The following PXN variants were observed in gnomAD, a reference collection of about 807,000 sequenced individuals.
PXN encodes the protein paxillin.
A neutral mutation model predicts 103.6 loss-of-function variants in PXN; 61 were observed. That is an observed-to-expected ratio of 0.59 (90% CI 0.48 to 0.73). The LOEUF (loss-of-function observed/expected upper bound fraction) is 0.73, where lower values mean the gene tolerates loss of function less well. Ranked by LOEUF, PXN falls within the 30% of genes least tolerant of loss-of-function variation. PXN has a pLI of 0.00. For missense variants in PXN, 1,274 were observed against 1,460.3 expected, an observed-to-expected ratio of 0.87 and a Z score of 2.08; for synonymous variants, 562 against 607.8, an observed-to-expected ratio of 0.92 and a Z score of 1.11.
chr12:120,251,204 C>CA (rs1170387595), intron 1 of PXN, among the ~76,000 whole-genome samples: 1 of 148,048 alleles, frequency 6.8e-6, no homozygotes, highest in African/African-American at 2.5e-5. Flanking sequence ...GACTCTGTCT[C>CA]AAAAAAAATC....
chr12:120,223,642 GCTGC>G, intron 3 of PXN, 72 bp downstream of exon 3: 1 of 1,196,466 alleles, frequency 8.4e-7, no homozygotes, highest in South Asian at 1.4e-5. Context: ...CCGGGCCTCC[GCTGC>G]CTCCCACCCT....
At chr12:120,260,298 T>A (rs1222112390) in intron 1 of PXN, among the ~76,000 whole-genome samples, 1 of 151,894 alleles carries the variant, frequency 6.6e-6, no homozygotes, top group Non-Finnish European at 1.5e-5. Context: ...TCACCTGAAG[T>A]CGGGAGTTCG....
Position 120,219,310 on chromosome 12 carries a change from G to T in PXN, c.1613C>A (p.Thr538Asn). 1.3e-6 allele frequency: 2 copies of T among 1,598,444 alleles called. No homozygotes were observed. The highest frequency in any genetic ancestry group is 1.7e-6 in the Non-Finnish European group (2 of 1,179,808). Residue 538 changes from threonine (T) to asparagine (N), a missense_variant, in exon 7 of 15, where the codon ACC becomes AAC. Physicochemically the swap from Thr to Asn is moderately conservative, Grantham distance 65 (BLOSUM62 0). This residue lies in a region of PXN where 1,178 missense variants were observed against 1,309.0 expected (regional missense o/e 0.90). Transcript: ENST00000637617. The surrounding 1 kb of genome is among the most constrained non-coding windows in gnomAD (Gnocchi z 6.5). ...GPETPRSPEG[T>N]TEAATQDGKE... ...CCCGTCCTGGGTGGCAGCTTCCGTG[G>T]TGCCCTCTGGGCTCCTTGGGGTTTC...
At chr12:120,227,493 C>G (rs1015093283) in intron 1 of PXN, among the ~76,000 whole-genome samples, 1 of 152,188 alleles carries the variant, frequency 6.6e-6, no homozygotes, top group African/African-American at 2.4e-5. Flanking sequence ...AGAGCAAGAC[C>G]CTGTCTTAAA....
chr12:120,260,505 A>AAG (rs909638411), intron 1 of PXN, among the ~76,000 whole-genome samples: 2 of 151,306 alleles, frequency 1.3e-5, no homozygotes, highest in African/African-American at 4.9e-5. Flanking sequence ...CTCAGGAAAA[A>AAG]AAAAAAAAAG....
At chr12:120,232,575 C>A (rs1011028319) in intron 1 of PXN, among the ~76,000 whole-genome samples, 1 of 152,220 alleles carries the variant, frequency 6.6e-6, no homozygotes, top group Non-Finnish European at 1.5e-5. Context: ...CCAGGAGACT[C>A]ATGGGCTGGA....
At chr12:120,259,490 A>T (rs1893531950) in intron 1 of PXN, among the ~76,000 whole-genome samples, 1 of 152,352 alleles carries the variant, frequency 6.6e-6, no homozygotes, top group African/African-American at 2.4e-5. Context: ...ATATTCTCCC[A>T]TAAAACCACA....
At chr12:120,240,074 A>G (rs1275283996) in intron 1 of PXN, among the ~76,000 whole-genome samples, 2 of 152,048 alleles carry the variant, frequency 1.3e-5, no homozygotes, top group African/African-American at 2.4e-5. Flanking sequence ...CTAGCATGAC[A>G]CCTCTTTGAG....
At chr12:120,237,753 T>C (rs1224883174) in intron 1 of PXN, among the ~76,000 whole-genome samples, 1 of 152,186 alleles carries the variant, frequency 6.6e-6, no homozygotes, top group African/African-American at 2.4e-5. Flanking sequence ...CATCTGCTGA[T>C]TTCAGGGCTC....
rs1286792086 is a variant in PXN, at chr12:120,252,722, T to C, written c.13+12895A>G. The stretch of plus-strand genomic sequence containing the variant: ...AATGTAGGCAACAGAGAGGGTCAAA[T>C]ACAAGGCTGGAGCTATTGAGGTTAA... On this transcript the variant is annotated intron_variant, in intron 1 of 14. Coordinates refer to ENST00000637617, the MANE Select transcript of PXN (RefSeq NM_001385981.1). 2.6e-5 allele frequency among the ~76,000 whole-genome samples: 4 copies of C among 152,258 alleles called. No homozygotes were observed. In the East Asian group the frequency reaches 5.8e-4, roughly 22 times the overall value.
At chr12:120,262,222 A>G (rs1893989532) in intron 1 of PXN, among the ~76,000 whole-genome samples, 1 of 152,154 alleles carries the variant, frequency 6.6e-6, no homozygotes, top group African/African-American at 2.4e-5. Flanking sequence ...GACTGCTGAG[A>G]AGCTGAAAGA....
In PXN at chr12:120,215,940, G is replaced by A. The variant is rs1246062168; in HGVS notation, c.2302-279C>T. ...GTGATGAGGCCTCACCGGGCGCTGG[G>A]CCTGGGGGCTGGAAGGGAGGAGACA... is the stretch of plus-strand genomic sequence containing the variant. On this transcript the variant is annotated intron_variant, in intron 9 of 14. Coordinates refer to ENST00000637617, the MANE Select transcript of PXN (RefSeq NM_001385981.1). This position sits in a 1 kb window ranked among gnomAD's most constrained non-coding sequence, Gnocchi z 4.9. The A allele has an allele frequency of 3.6e-6, 5 of 1,388,052 alleles. No homozygotes were observed. The highest frequency in any genetic ancestry group is 1.5e-5 in the African/African-American group (1 of 67,758). The allele number at this position is 1,388,052 out of a possible 1,614,324, so 86.0% of individuals were successfully genotyped here.
At position 120,265,556 on chromosome 12, in the gene PXN, C is replaced by T; in HGVS notation, c.13+61G>A. The T allele has an allele frequency of 6.8e-7, 1 of 1,466,716 alleles. No homozygotes were observed. The highest frequency in any genetic ancestry group is 9.0e-7 in the Non-Finnish European group (1 of 1,114,784). 90.9% of individuals were successfully genotyped at this position (1,466,716 alleles called of 1,614,324 possible). A position where few individuals can be genotyped will look rare whatever the true frequency, so the allele number is the denominator to read the frequency against. Reference sequence around the variant, plus strand: ...CGCGGCCCCTGCCGCTCGCTGGCGCCCTCCTGGCCCCAAGCTGCGCGCCTC... The same window carrying T: ...CGCGGCCCCTGCCGCTCGCTGGCGCTCTCCTGGCCCCAAGCTGCGCGCCTC... On this transcript the variant is annotated intron_variant, in intron 1 of 14. Coordinates refer to ENST00000637617, the MANE Select transcript of PXN (RefSeq NM_001385981.1). This position sits in a 1 kb window ranked among gnomAD's most constrained non-coding sequence, Gnocchi z 5.7.
rs369461321 is a variant in PXN, at chr12:120,265,639, A to G, written c.-10T>C. On this transcript the variant is annotated 5_prime_UTR_variant, in exon 1 of 15. Coordinates refer to ENST00000637617, the MANE Select transcript of PXN (RefSeq NM_001385981.1). This position sits in a 1 kb window ranked among gnomAD's most constrained non-coding sequence, Gnocchi z 5.7. ...CACCGAGGTCGTCCATGGCCGGACC[A>G]CGGGCGCCGGCTCAGGGTCGCGCTA... 3.8e-5 allele frequency: 56 copies of G among 1,475,464 alleles called. No homozygotes were observed. The highest frequency in any genetic ancestry group is 4.5e-5 in the Non-Finnish European group (50 of 1,118,596). The allele number at this position is 1,475,464 out of a possible 1,614,324, so 91.4% of individuals were successfully genotyped here.
chr12:120,252,474 G>A (rs1205113140), intron 1 of PXN, among the ~76,000 whole-genome samples: 1 of 152,166 alleles, frequency 6.6e-6, no homozygotes, highest in Non-Finnish European at 1.5e-5. Flanking sequence ...AGGGTAAGGT[G>A]AGTCAGGAGA....
Position 120,219,335 on chromosome 12 carries a change from C to G in PXN, c.1588G>C (p.Glu530Gln). The change falls in exon 7 of 15, where the codon GAA becomes CAA. Residue 530 changes from glutamate (E) to glutamine (Q), a missense_variant. Glu to Gln is a conservative substitution (Grantham distance 29). Around this residue, in one of 2 missense-constraint regions of PXN, gnomAD observed 1,178 missense variants for 1,309.0 expected, o/e 0.90. Transcript: ENST00000637617. The surrounding 1 kb of genome is among the most constrained non-coding windows in gnomAD (Gnocchi z 6.5). Reference sequence around the variant, plus strand: ...GTGCCCTCTGGGCTCCTTGGGGTTTCAGGTCCCTGGGTTGGCCTGGCCACA... The same window carrying G: ...GTGCCCTCTGGGCTCCTTGGGGTTTGAGGTCCCTGGGTTGGCCTGGCCACA... ...GSVARPTQGP[E>Q]TPRSPEGTTE... The G allele has an allele frequency of 6.3e-7, 1 of 1,598,438 alleles. No homozygotes were observed. Among genetic ancestry groups the G allele is most frequent in the Non-Finnish European group, 8.5e-7 (1 of 1,179,808 alleles).
intron 1 of PXN, among the ~76,000 whole-genome samples, chr12:120,258,444 C>G (rs975571628): frequency 6.6e-6 from 1 of 152,088 alleles, no homozygotes; most frequent in African/African-American, 2.4e-5. Flanking sequence ...CACCTGAGGC[C>G]CCCCCAGCTA....
rs201905149 is a variant in PXN at position 120,237,148 on chromosome 12, TACACACACACACACAC to T, written c.14-12787_14-12772del. Among the ~76,000 whole-genome samples, 6 of 137,552 alleles carry T rather than the reference TACACACACACACACAC, an allele frequency of 4.4e-5. 1 individual carries two copies. The highest frequency in any genetic ancestry group is 9.4e-5 in the Non-Finnish European group (6 of 64,048). 90.2% of individuals were successfully genotyped at this position (137,552 alleles called of 152,430 possible). A position where few individuals can be genotyped will look rare whatever the true frequency, so the allele number is the denominator to read the frequency against. ...GTACGTGTGTGTGTGTGTGTGTGTA[TACACACACACACACAC>T]ACACACACACACACACAGAATCTCA... is the stretch of plus-strand genomic sequence containing the variant. On this transcript the variant is annotated intron_variant, in intron 1 of 14. Coordinates refer to ENST00000637617, the MANE Select transcript of PXN (RefSeq NM_001385981.1).
rs940171410 is a variant in PXN at position 120,228,455 on chromosome 12, G to A, written c.14-4078C>T. Among the ~76,000 whole-genome samples the A allele has an allele frequency of 4.6e-5, 7 of 152,204 alleles. No individual in the cohort carries two copies. The highest frequency in any genetic ancestry group is 4.1e-4 in the South Asian group (2 of 4,832). On this transcript the variant is annotated intron_variant, in intron 1 of 14. Transcript: ENST00000637617. The surrounding 1 kb of genome is among the most constrained non-coding windows in gnomAD (Gnocchi z 4.7). Reference sequence around the variant, plus strand: ...CCAGCGAGCCATGGGCAAAGGCCACGGAGCTATGTCCTGGCTCCGCCCTGG... The same window carrying A: ...CCAGCGAGCCATGGGCAAAGGCCACAGAGCTATGTCCTGGCTCCGCCCTGG...
Sources: allele counts gnomAD v4.1 joint callset (sites outside exome capture counted in the v4.1 genomes callset), GRCh38; gene constraint gnomAD v4.1.1; regional missense constraint gnomAD v4.1.1; non-coding constraint Gnocchi (gnomAD v3.1); transcripts MANE v1.5; gene names NCBI Gene and HGNC (gene_info 2026-07-23, HGNC 2026-07-21).